GPHN: variants seen among roughly 807,000 people sequenced by gnomAD.
GPHN encodes gephyrin.
Under a neutral mutation model 95.5 loss-of-function variants are expected in GPHN, and 17 were observed. That is an observed-to-expected ratio of 0.18 (90% CI 0.12 to 0.27). The LOEUF (loss-of-function observed/expected upper bound fraction) is 0.27. Ranked by LOEUF, GPHN falls within the 10% of genes least tolerant of loss-of-function variation. GPHN has a pLI of 1.00. For missense variants in GPHN, 660 were observed against 978.1 expected (o/e 0.67, Z 4.34); for synonymous variants, 320 against 322.5 (o/e 0.99, Z 0.08).
intron 8 of GPHN, among the ~76,000 whole-genome samples, chr14:66,938,950 A>T (rs1315359546): frequency 6.6e-6 from 1 of 152,216 alleles, no homozygotes; most frequent in Non-Finnish European, 1.5e-5. Context: ...TGGGGAAGAC[A>T]GTCTTTTCAA....
chr14:67,405,023 C>T, the GPHN span, among the ~76,000 whole-genome samples: 3 of 151,434 alleles, frequency 2.0e-5, no homozygotes, highest in East Asian at 5.9e-4. Flanking sequence ...CACCTGAGGT[C>T]AGAAGTTCAA....
chr14:67,004,504 G>A (rs1449181556), intron 9 of GPHN, among the ~76,000 whole-genome samples: 1 of 151,710 alleles, frequency 6.6e-6, no homozygotes, highest in Non-Finnish European at 1.5e-5. Flanking sequence ...AAATCATAAT[G>A]TATGAATTCA....
chr14:66,642,847 C>T (rs2064503222), intron 1 of GPHN, among the ~76,000 whole-genome samples: 1 of 151,838 alleles, frequency 6.6e-6, no homozygotes, highest in Non-Finnish European at 1.5e-5. Flanking sequence ...ATTTTAGGTA[C>T]ATCATAGATC....
the GPHN span, among the ~76,000 whole-genome samples, chr14:67,639,924 C>CAA: frequency 0.055 from 3,360 of 61,574 alleles, 195 homozygotes; most frequent in Admixed American, 0.12. Flanking sequence ...GACCCTGTCT[C>CAA]AAAAAAAAAA....
intron 15 of GPHN, 57 bp downstream of exon 15, chr14:67,111,976 C>T (rs1849410828): frequency 2.4e-6 from 3 of 1,257,032 alleles, no homozygotes; most frequent in Non-Finnish European, 3.5e-6. Flanking sequence ...TGATCATTTA[C>T]TCAGGAAACC....
At chr14:66,933,426 A>G (rs2066930938) in intron 8 of GPHN, among the ~76,000 whole-genome samples, 2 of 152,198 alleles carry the variant, frequency 1.3e-5, no homozygotes, top group South Asian at 4.1e-4. Flanking sequence ...TACTTTTACA[A>G]GTTTTACCTA....
At chr14:66,922,972 G>A in intron 7 of GPHN, 34 bp downstream of exon 7, 1 of 1,580,268 alleles carries the variant, frequency 6.3e-7, no homozygotes, top group Non-Finnish European at 8.6e-7. Context: ...GAGGCCTAAA[G>A]GACCCACAGG....
intron 3 of GPHN, among the ~76,000 whole-genome samples, chr14:66,801,382 A>C (rs1200639229): frequency 1.3e-5 from 2 of 152,114 alleles, no homozygotes; most frequent in Non-Finnish European, 2.9e-5. Flanking sequence ...TGAGTGTTAT[A>C]AGCTTTAGCG....
At chr14:67,266,764 G>A in the GPHN span, among the ~76,000 whole-genome samples, 1 of 152,064 alleles carries the variant, frequency 6.6e-6, no homozygotes, top group Non-Finnish European at 1.5e-5. Context: ...AGTCTTTTAT[G>A]TGATGTCAGT....
At chr14:67,275,049 A>G in the GPHN span, among the ~76,000 whole-genome samples, 4 of 152,214 alleles carry the variant, frequency 2.6e-5, no homozygotes, top group East Asian at 3.9e-4. Context: ...TAAATAGACA[A>G]TCATGTCATC....
chr14:67,152,084 T>A (rs1345531987), intron 18 of GPHN, among the ~76,000 whole-genome samples: 1 of 152,204 alleles, frequency 6.6e-6, no homozygotes, highest in Non-Finnish European at 1.5e-5. Context: ...AAATCATTAA[T>A]CTTGATTTTG....
At chr14:67,635,241 C>CA in the GPHN span, among the ~76,000 whole-genome samples, 1 of 151,338 alleles carries the variant, frequency 6.6e-6, no homozygotes, top group East Asian at 1.9e-4. Flanking sequence ...AAGACCATCT[C>CA]AAAAAAAAGA....
the GPHN span, among the ~76,000 whole-genome samples, chr14:67,344,514 T>G: frequency 6.6e-6 from 1 of 152,158 alleles, no homozygotes; most frequent in South Asian, 2.1e-4. Context: ...AAAATGGTCT[T>G]CCATGCACAA....
the GPHN span, among the ~76,000 whole-genome samples, chr14:67,610,085 G>C: frequency 1.6e-4 from 24 of 151,982 alleles, no homozygotes; most frequent in Non-Finnish European, 3.1e-4. Context: ...CTCCACTCCT[G>C]TGGCTGCTTC....
intron 1 of GPHN, among the ~76,000 whole-genome samples, chr14:66,577,945 A>T (rs1393899106): frequency 6.6e-6 from 1 of 151,994 alleles, no homozygotes; most frequent in Non-Finnish European, 1.5e-5. Context: ...TAGTAAATGT[A>T]AATATTTTTA....
the GPHN span, among the ~76,000 whole-genome samples, chr14:67,317,087 A>T: frequency 2.0e-5 from 3 of 152,258 alleles, no homozygotes; most frequent in African/African-American, 7.2e-5. Flanking sequence ...ATCTGTCTAT[A>T]CTGTGTAGTT....
intron 1 of GPHN, among the ~76,000 whole-genome samples, chr14:66,615,200 G>T (rs989323286): frequency 1.3e-5 from 2 of 152,168 alleles, no homozygotes; most frequent in African/African-American, 2.4e-5. Flanking sequence ...ATAGTAGAAT[G>T]ATTTATAATC....
chr14:66,976,919 G>GGC lies in GPHN; in HGVS notation c.963+11595_963+11596insCG, dbSNP rs1555455903. Among the ~76,000 whole-genome samples, 10 of 140,008 alleles carry GGC rather than the reference G, an allele frequency of 7.1e-5. 1 individual carries two copies. Among genetic ancestry groups the GGC allele is most frequent in the African/African-American group, 2.4e-4 (9 of 37,566 alleles). The allele number at this position is 140,008 out of a possible 152,430, so 91.9% of individuals were successfully genotyped here. ...TACATGCAGCACAGAAATATGTGGGGGGGGGGGGAGTACACTCTCACTAGA... is the reference window on the plus strand; with the variant it reads ...TACATGCAGCACAGAAATATGTGGGGGCGGGGGGGGAGTACACTCTCACTAGA... On this transcript the variant is annotated intron_variant, in intron 9 of 22. Coordinates refer to ENST00000478722, the MANE Select transcript of GPHN (RefSeq NM_020806.5).
intron 8 of GPHN, among the ~76,000 whole-genome samples, chr14:66,946,745 A>G (rs993464615): frequency 6.6e-6 from 1 of 152,212 alleles, no homozygotes; most frequent in African/African-American, 2.4e-5. Flanking sequence ...TAAGTATATT[A>G]TAACTGTTAG....
Sources: allele counts gnomAD v4.1 joint callset (sites outside exome capture counted in the v4.1 genomes callset), GRCh38; gene constraint gnomAD v4.1.1; transcripts MANE v1.5; gene names NCBI Gene and HGNC (gene_info 2026-07-23, HGNC 2026-07-21).